DENND2B: variants seen among roughly 807,000 people sequenced by gnomAD.
DENND2B encodes the protein DENN domain containing 2B.
A neutral mutation model predicts 116.0 loss-of-function variants in DENND2B; 32 were observed. That is an observed-to-expected ratio of 0.28 (90% CI 0.21 to 0.37). The LOEUF (loss-of-function observed/expected upper bound fraction) is 0.37, where lower values mean the gene tolerates loss of function less well. Ranked by LOEUF, DENND2B falls within the 10% of genes least tolerant of loss-of-function variation. The probability of loss-of-function intolerance (pLI) is 1.00; values close to 1 mark genes in which losing one functional copy is unlikely to be tolerated. For synonymous variants in DENND2B, 588 were observed against 583.9 expected, an observed-to-expected ratio of 1.01 and a Z score of -0.10; for missense variants, 1,276 against 1,477.7, an observed-to-expected ratio of 0.86 and a Z score of 2.24.
At chr11:8,729,480 T>C (rs981376538) in intron 3 of DENND2B, among the ~76,000 whole-genome samples, 3 of 152,184 alleles carry the variant, frequency 2.0e-5, no homozygotes, top group African/African-American at 7.2e-5. Context: ...AGGAATTGTG[T>C]TAAATTTGCC....
intron 1 of DENND2B, among the ~76,000 whole-genome samples, chr11:8,760,906 C>A (rs2054496995): frequency 6.6e-6 from 1 of 152,148 alleles, no homozygotes; most frequent in African/African-American, 2.4e-5. Context: ...CTCCCTCAAT[C>A]AGCCACAGGA....
At chr11:8,752,044 T>C (rs1165818627) in intron 1 of DENND2B, among the ~76,000 whole-genome samples, 1 of 152,192 alleles carries the variant, frequency 6.6e-6, no homozygotes, top group African/African-American at 2.4e-5. Context: ...TCATGCAGCT[T>C]ACATCCCAGT....
intron 14 of DENND2B, among the ~76,000 whole-genome samples, chr11:8,700,288 G>C (rs1361545677): frequency 6.6e-6 from 1 of 152,186 alleles, no homozygotes; most frequent in Non-Finnish European, 1.5e-5. Flanking sequence ...TCCAGCTGTT[G>C]GGCTAGATTT....
At chr11:8,743,559 A>T (rs923401204) in intron 2 of DENND2B, among the ~76,000 whole-genome samples, 1 of 151,758 alleles carries the variant, frequency 6.6e-6, no homozygotes, top group African/African-American at 2.4e-5. Context: ...CAAAAAAAAA[A>T]ATTTTTTTTT....
intron 1 of DENND2B, among the ~76,000 whole-genome samples, chr11:8,778,728 A>G (rs770264961): frequency 3.3e-5 from 5 of 152,192 alleles, no homozygotes; most frequent in African/African-American, 4.8e-5. Context: ...GGTGCCGGCC[A>G]TCACCTCTCT....
chr11:8,725,329 G>A (rs370346495), intron 4 of DENND2B, among the ~76,000 whole-genome samples: 6 of 151,560 alleles, frequency 4.0e-5, no homozygotes, highest in African/African-American at 1.2e-4. Context: ...GCCTGCACCA[G>A]ACACTCAATC....
At chr11:8,735,009 G>C (rs1231346502) in intron 2 of DENND2B, among the ~76,000 whole-genome samples, 1 of 151,024 alleles carries the variant, frequency 6.6e-6, no homozygotes, top group Non-Finnish European at 1.5e-5. Context: ...GGGGCAGGGG[G>C]GCGGGAGGGC....
chr11:8,837,792 A>C (rs12805449), intron 4 of DENND2B, among the ~76,000 whole-genome samples: 1 of 152,212 alleles, frequency 6.6e-6, no homozygotes, highest in Non-Finnish European at 1.5e-5. Flanking sequence ...TAGAGCTTGG[A>C]CATGTTAGCA....
In DENND2B at chr11:8,702,235, C is replaced by A. The variant is rs1054220876; in HGVS notation, c.2720+337G>T. Among the ~76,000 whole-genome samples the A allele has an allele frequency of 1.3e-5, 2 of 152,190 alleles. No individual in the cohort carries two copies. Among genetic ancestry groups the A allele is most frequent in the Non-Finnish European group, 2.9e-5 (2 of 68,040 alleles). On this transcript the variant is annotated intron_variant, in intron 14 of 19. Transcript: ENST00000313726. This position sits in a 1 kb window ranked among gnomAD's most constrained non-coding sequence, Gnocchi z 4.6. ...TTTGCCTCCCCCTCCAGAAGAAATG[C>A]AACCATCCACCAAAAATCTCAATTT...
chr11:8,861,638 A>T (rs1056447519), intron 2 of DENND2B, among the ~76,000 whole-genome samples: 7 of 152,204 alleles, frequency 4.6e-5, no homozygotes, highest in African/African-American at 1.7e-4. Context: ...TTCTCAAATA[A>T]CTAAAAATAG....
chr11:8,909,431 G>A (rs79147642), intron 1 of DENND2B, among the ~76,000 whole-genome samples: 1 of 35,860 alleles, frequency 2.8e-5, no homozygotes, highest in East Asian at 3.8e-3. Flanking sequence ...GGAAGGAGGA[G>A]GAGGAGGAAG....
Position 8,731,131 on chromosome 11 carries a change from T to C in DENND2B, c.159A>G (p.Ser53=). ...TGGAGTGGCTGGGGTACCTGCAGGC[T>C]GAGGTTTCACTATCACTGAGCGGGT... ...PIYPLSDSET[S]ACRYPSHSSS... Residue 53 remains serine (S), a synonymous_variant, in exon 3 of 20, where the codon TCA becomes TCG. Coordinates refer to ENST00000313726, the MANE Select transcript of DENND2B (RefSeq NM_213618.2). 6.3e-7 allele frequency: 1 copy of C among 1,590,568 alleles called. No homozygotes were observed. The highest frequency in any genetic ancestry group is 1.2e-5 in the South Asian group (1 of 86,604).
At chr11:8,876,442 C>T (rs548114007) in intron 2 of DENND2B, among the ~76,000 whole-genome samples, 1 of 152,226 alleles carries the variant, frequency 6.6e-6, no homozygotes, top group South Asian at 2.1e-4. Flanking sequence ...TGTTCCCTCC[C>T]TACTAAGTGT....
At chr11:8,740,243 G>T (rs2049964000) in intron 2 of DENND2B, among the ~76,000 whole-genome samples, 2 of 151,726 alleles carry the variant, frequency 1.3e-5, no homozygotes, top group Admixed American at 1.3e-4. Flanking sequence ...TCATGTGTAT[G>T]TGTGCGCATG....
intron 3 of DENND2B, among the ~76,000 whole-genome samples, chr11:8,844,972 C>T (rs1287798087): frequency 6.6e-6 from 1 of 152,016 alleles, no homozygotes; most frequent in Non-Finnish European, 1.5e-5. Context: ...GAATTACTGG[C>T]CTCAAGTGAT....
rs1296847303 is a variant in DENND2B at position 8,756,173 on chromosome 11, T to C, written c.-25-5448A>G. 5.3e-5 allele frequency among the ~76,000 whole-genome samples: 8 copies of C among 152,154 alleles called. No individual in the cohort carries two copies. The East Asian group carries it at 1.5e-3, about 29-fold the overall frequency. ...GGCCCTTGGAGAAAAGGCAAAAGAT[T>C]TGTGGCATGACCAGAAACTGAAACA... On this transcript the variant is annotated intron_variant, in intron 1 of 19. Transcript: ENST00000313726.
intron 1 of DENND2B, among the ~76,000 whole-genome samples, chr11:8,881,851 G>A (rs985117334): frequency 1.1e-4 from 16 of 152,142 alleles, no homozygotes; most frequent in Non-Finnish European, 1.9e-4. Context: ...GGCCAGTCTT[G>A]TTCTTGTTGT....
In DENND2B at chr11:8,697,565, A is replaced by G; in HGVS notation, c.3012T>C (p.Asn1004=). Residue 1004 remains asparagine, a synonymous_variant, in exon 17 of 20, where the codon AAT becomes AAC. Transcript: ENST00000313726. ...TGTCAGAGTCCTGGGAGATCAGCTC[A>G]TTCTTCCTCTCCAGAGCCTGCTCCA... ...AALEQALERK[N]ELISQDSDSD... 6.2e-7 allele frequency: 1 copy of G among 1,614,244 alleles called. No individual in the cohort carries two copies. The highest frequency in any genetic ancestry group is 2.2e-5 in the East Asian group (1 of 44,886).
intron 1 of DENND2B, among the ~76,000 whole-genome samples, chr11:8,890,340 C>A (rs1209788233): frequency 6.6e-6 from 1 of 152,130 alleles, no homozygotes. Context: ...AGCACATCTC[C>A]CCCTCCAAAG....
Sources: allele counts gnomAD v4.1 joint callset (sites outside exome capture counted in the v4.1 genomes callset), GRCh38; gene constraint gnomAD v4.1.1; non-coding constraint Gnocchi (gnomAD v3.1); transcripts MANE v1.5; gene names NCBI Gene and HGNC (gene_info 2026-07-23, HGNC 2026-07-21).